The following ST18 variants were observed in gnomAD, a reference collection of about 807,000 sequenced individuals.
ST18 encodes ST18 C2H2C-type zinc finger transcription factor, also known as suppression of tumorigenicity 18 protein.
A neutral mutation model predicts 110.0 loss-of-function variants in ST18; 50 were observed. The observed-to-expected ratio is 0.45, with a 90% CI of 0.36 to 0.58. The LOEUF is 0.58. ST18 is among the 20% of genes least tolerant of loss of function. ST18 has a pLI of 0.00. For missense variants in ST18, 1,306 were observed against 1,280.1 expected (o/e 1.02, Z -0.31); for synonymous variants, 461 against 452.4 (o/e 1.02, Z -0.24).
chr8:52,189,003 C>T (rs748800947), intron 8 of ST18, among the ~76,000 whole-genome samples: 3 of 152,222 alleles, frequency 2.0e-5, no homozygotes, highest in Non-Finnish European at 2.9e-5. Flanking sequence ...GAATCTGGAC[C>T]TTTTGATTGA....
chr8:52,234,033 T>C (rs953716441), intron 2 of ST18, among the ~76,000 whole-genome samples: 3 of 152,322 alleles, frequency 2.0e-5, no homozygotes, highest in South Asian at 2.1e-4. Flanking sequence ...CACCATTCTG[T>C]TCTGACTCTA....
intron 2 of ST18, among the ~76,000 whole-genome samples, chr8:52,235,005 G>A (rs537225462): frequency 6.6e-6 from 1 of 151,990 alleles, no homozygotes; most frequent in South Asian, 2.1e-4. Flanking sequence ...ACTACAAATT[G>A]GGTTCAGTGC....
chr8:52,244,495 G>C (rs1174358741), intron 2 of ST18, among the ~76,000 whole-genome samples: 1 of 151,962 alleles, frequency 6.6e-6, no homozygotes, highest in Non-Finnish European at 1.5e-5. Context: ...ATAATCCCTA[G>C]GAAAAAAATT....
At position 52,136,605 on chromosome 8, in the gene ST18, T is replaced by C. The variant is rs1330359165; in HGVS notation, c.2285A>G (p.Asn762Ser). 3 of 1,611,158 alleles carry C rather than the reference T, an allele frequency of 1.9e-6. No individual in the cohort carries two copies. Among genetic ancestry groups the C allele is most frequent in the Non-Finnish European group, 2.5e-6 (3 of 1,179,014 alleles). ...DKTLKSLMAA[N>S]SQELKCPTPG... is the part of the protein sequence containing the mutation. The stretch of plus-strand genomic sequence containing the variant: ...CCGCACTTACTTAAGCTCCTGAGAG[T>C]TGGCAGCCATGAGGGATTTTAGAGT... The change falls in exon 19 of 26, where the codon AAC becomes AGC. Residue 762 changes from asparagine to serine, a missense_variant. Asn to Ser is a conservative substitution (Grantham distance 46). Transcript: ENST00000689386.
chr8:52,298,102 C>T (rs1265989421), intron 2 of ST18, among the ~76,000 whole-genome samples: 1 of 152,212 alleles, frequency 6.6e-6, no homozygotes, highest in African/African-American at 2.4e-5. Flanking sequence ...TCATCAGAGT[C>T]CTCCACTGGT....
chr8:52,303,717 A>G (rs1057258459), intron 2 of ST18, among the ~76,000 whole-genome samples: 4 of 152,252 alleles, frequency 2.6e-5, no homozygotes, highest in African/African-American at 9.6e-5. Context: ...CAGACATTCT[A>G]TGAAATGATC....
intron 2 of ST18, among the ~76,000 whole-genome samples, chr8:52,334,877 C>A (rs1811332478): frequency 6.6e-6 from 1 of 152,208 alleles, no homozygotes; most frequent in East Asian, 1.9e-4. Context: ...CGCATGCCGA[C>A]CTGCAGAGCT....
At chr8:52,168,069 C>A (rs976691603) in intron 10 of ST18, among the ~76,000 whole-genome samples, 2 of 151,422 alleles carry the variant, frequency 1.3e-5, no homozygotes, top group African/African-American at 4.9e-5. Context: ...CTCTTAAAGC[C>A]CAAATTGCCC....
At position 52,148,067 on chromosome 8, in the gene ST18, C is replaced by A. The variant is rs576763348; in HGVS notation, c.2052+1665G>T. On this transcript the variant is annotated intron_variant, in intron 16 of 25. Transcript: ENST00000689386. ...TAGGTGTAACCTCTGTTTTTTGGCACAAGCCTGAGGTGGCAGTGGGCACAG... is the reference window on the plus strand; with the variant it reads ...TAGGTGTAACCTCTGTTTTTTGGCAAAAGCCTGAGGTGGCAGTGGGCACAG... Among the ~76,000 whole-genome samples the A allele has an allele frequency of 4.9e-4, 75 of 151,990 alleles. 1 individual carries two copies. In the South Asian group the frequency reaches 0.015, roughly 31 times the overall value.
chr8:52,389,877 G>A (rs1392557888), intron 2 of ST18, among the ~76,000 whole-genome samples: 1 of 152,144 alleles, frequency 6.6e-6, no homozygotes, highest in Non-Finnish European at 1.5e-5. Context: ...ATGTTTACAA[G>A]GAAAATACAG....
At chr8:52,228,702 A>G (rs2136782827) in intron 3 of ST18, among the ~76,000 whole-genome samples, 1 of 152,234 alleles carries the variant, frequency 6.6e-6, no homozygotes, top group African/African-American at 2.4e-5. Context: ...GTTACATATG[A>G]GAAAAGGAAG....
chr8:52,189,670 TG>T (rs2073804756), intron 8 of ST18, among the ~76,000 whole-genome samples: 1 of 152,112 alleles, frequency 6.6e-6, no homozygotes, highest in Non-Finnish European at 1.5e-5. Context: ...ACAATTACCC[TG>T]GGGAAAAAAG....
intron 2 of ST18, among the ~76,000 whole-genome samples, chr8:52,330,693 T>C (rs1808854200): frequency 6.6e-6 from 1 of 152,252 alleles, no homozygotes; most frequent in African/African-American, 2.4e-5. Context: ...GGGCATGCCC[T>C]GTGCTCACCT....
At chr8:52,392,313 T>C (rs1590646151) in intron 2 of ST18, among the ~76,000 whole-genome samples, 1 of 151,776 alleles carries the variant, frequency 6.6e-6, no homozygotes, top group East Asian at 1.9e-4. Context: ...GGAGTGGTGG[T>C]GGTGGTGTTG....
chr8:52,394,481 G>A (rs1351257867), intron 2 of ST18, among the ~76,000 whole-genome samples: 1 of 152,154 alleles, frequency 6.6e-6, no homozygotes, highest in South Asian at 2.1e-4. Flanking sequence ...TCCCATGAGA[G>A]CTGCTCAGAC....
intron 2 of ST18, among the ~76,000 whole-genome samples, chr8:52,332,064 T>C (rs1809708584): frequency 6.6e-6 from 1 of 152,066 alleles, no homozygotes; most frequent in Admixed American, 6.6e-5. Flanking sequence ...TGTGTATGTA[T>C]ATATACATTT....
Position 52,286,057 on chromosome 8 carries a change from A to G in ST18, c.-464-55980T>C, listed in dbSNP as rs559093472. Among the ~76,000 whole-genome samples, 14 of 152,258 alleles carry G rather than the reference A, an allele frequency of 9.2e-5. No homozygotes were observed. In the East Asian group the frequency reaches 1.2e-3, roughly 13 times the overall value. Reference sequence around the variant, plus strand: ...AAGATTTTTAAAAAATCTTTCTGCTATTTTCTTGCCAAAAGGAGTTTGTTT... The same window carrying G: ...AAGATTTTTAAAAAATCTTTCTGCTGTTTTCTTGCCAAAAGGAGTTTGTTT... On this transcript the variant is annotated intron_variant, in intron 2 of 25. Transcript: ENST00000689386.
chr8:52,292,338 G>A (rs2139368792), intron 2 of ST18, among the ~76,000 whole-genome samples: 1 of 152,304 alleles, frequency 6.6e-6, no homozygotes, highest in South Asian at 2.1e-4. Context: ...TCATATGACA[G>A]TGGGAAGACA....
chr8:52,255,083 A>T (rs1242561643), intron 2 of ST18, among the ~76,000 whole-genome samples: 1 of 152,152 alleles, frequency 6.6e-6, no homozygotes, highest in Non-Finnish European at 1.5e-5. Context: ...TCACAAACAC[A>T]GACCAATTAA....
Sources: allele counts gnomAD v4.1 joint callset (sites outside exome capture counted in the v4.1 genomes callset), GRCh38; gene constraint gnomAD v4.1.1; transcripts MANE v1.5; gene names NCBI Gene and HGNC (gene_info 2026-07-23, HGNC 2026-07-21).